Variants in TCF12 observed in about 807,000 individuals in gnomAD.
TCF12 encodes DNA-binding protein HTF4.
A neutral mutation model predicts 86.0 loss-of-function variants in TCF12; 45 were observed. That is an observed-to-expected ratio of 0.52 (90% confidence interval 0.41 to 0.67). TCF12 has a LOEUF of 0.67. Ranked by LOEUF, TCF12 falls within the 30% of genes least tolerant of loss-of-function variation. The probability of loss-of-function intolerance (pLI) is 0.00; values close to 1 mark genes in which losing one functional copy is unlikely to be tolerated. For synonymous variants in TCF12, 330 were observed against 299.6 expected (o/e 1.10, Z -1.05); for missense variants, 881 against 859.9 (o/e 1.02, Z -0.31).
chr15:57,117,929 G>GC (rs2050954360), intron 5 of TCF12, among the ~76,000 whole-genome samples: 1 of 136,292 alleles, frequency 7.3e-6, no homozygotes, highest in African/African-American at 3.6e-5. Flanking sequence ...AGAAATATAA[G>GC]GGGGGGGAAG....
chr15:57,100,423 C>CTTTTT (rs571976256), intron 5 of TCF12, among the ~76,000 whole-genome samples: 2 of 130,848 alleles, frequency 1.5e-5, no homozygotes, highest in African/African-American at 2.8e-5. Flanking sequence ...TTCACTTCCT[C>CTTTTT]TTTTTTTTTT....
chr15:57,233,302 A>G (rs1477216643), intron 11 of TCF12, among the ~76,000 whole-genome samples: 1 of 151,754 alleles, frequency 6.6e-6, no homozygotes, highest in Non-Finnish European at 1.5e-5. Flanking sequence ...CAGCCTCCCC[A>G]GTAGCTGGGA....
chr15:57,127,670 A>G (rs1388180342), intron 5 of TCF12, among the ~76,000 whole-genome samples: 3 of 152,218 alleles, frequency 2.0e-5, no homozygotes, highest in Non-Finnish European at 4.4e-5. Flanking sequence ...CTATTTACCT[A>G]ATAATTCAAA....
At chr15:56,923,641 T>C (rs1419954088) in intron 3 of TCF12, among the ~76,000 whole-genome samples, 1 of 152,150 alleles carries the variant, frequency 6.6e-6, no homozygotes, top group African/African-American at 2.4e-5. Flanking sequence ...ATTGACAAAA[T>C]GGAAATGGTT....
chr15:57,247,587 C>T (rs1258583425), intron 13 of TCF12: 26 of 844,322 alleles, frequency 3.1e-5, no homozygotes, highest in South Asian at 9.2e-5. Flanking sequence ...ATAACTTCTG[C>T]GGTTTCAATC....
chr15:57,260,506 A>G (rs2060539717), intron 16 of TCF12, among the ~76,000 whole-genome samples: 1 of 152,214 alleles, frequency 6.6e-6, no homozygotes, highest in Non-Finnish European at 1.5e-5. Flanking sequence ...ACTTGGTGTG[A>G]TAGTTCAAAA....
intron 3 of TCF12, among the ~76,000 whole-genome samples, chr15:56,974,093 T>C (rs895653987): frequency 3.3e-5 from 5 of 152,128 alleles, no homozygotes; most frequent in African/African-American, 1.2e-4. Context: ...ATTGGGACAA[T>C]TGGTAAAATC....
At chr15:57,192,003 A>G (rs1261220901) in intron 6 of TCF12, among the ~76,000 whole-genome samples, 155 bp from the exon 7 acceptor site, 8 of 152,162 alleles carry the variant, frequency 5.3e-5, no homozygotes, top group African/African-American at 1.9e-4. Context: ...GTATGGGCTG[A>G]AAGCAGTGGT....
chr15:57,247,716 A>G (rs1597612209), intron 13 of TCF12: 1 of 736,218 alleles, frequency 1.4e-6, no homozygotes, highest in Non-Finnish European at 2.5e-6. Flanking sequence ...TCCTCTATAG[A>G]AAGAGCTCTC....
At chr15:57,211,626 T>G (rs2058102778) in intron 8 of TCF12, among the ~76,000 whole-genome samples, 1 of 152,200 alleles carries the variant, frequency 6.6e-6, no homozygotes, top group Non-Finnish European at 1.5e-5. Flanking sequence ...GGGTTTAGAC[T>G]TTTAATTATG....
At chr15:57,179,853 A>C (rs865803506) in intron 6 of TCF12, among the ~76,000 whole-genome samples, 6 of 152,008 alleles carry the variant, frequency 3.9e-5, no homozygotes, top group African/African-American at 1.2e-4. Context: ...ACTTGGAACT[A>C]TTCAGGTTGC....
rs369153644 is a variant in TCF12, at chr15:57,176,956, T to C, written c.390+10490T>C. 4.6e-5 allele frequency among the ~76,000 whole-genome samples: 7 copies of C among 152,148 alleles called. No individual in the cohort carries two copies. The East Asian group carries it at 5.8e-4, about 13-fold the overall frequency. ...GGAGTAGATTGGTGATTTAGGGAAT[T>C]GTTGGAGTCACGAAGATTAAGAAGA... On this transcript the variant is annotated intron_variant, in intron 6 of 20. Transcript: ENST00000333725.
Position 57,063,813 on chromosome 15 carries a change from A to T in TCF12, c.212A>T (p.Asp71Val), listed in dbSNP as rs1386405269. ...GTSGQPSPSY[D>V]SSRGFTDSPH... ...AGTGGTCAACCAAGTCCTTCCTATG[A>T]TTCATCTAGAGTAAGTTTGCTGATC... The change falls in exon 4 of 21, where the codon GAT (aspartate) becomes GTT (valine). Residue 71 changes from aspartate (D) to valine (V), a missense_variant. Asp to Val is a radical substitution (Grantham distance 152). Coordinates refer to ENST00000333725, the MANE Select transcript of TCF12 (RefSeq NM_207037.2). The T allele has an allele frequency of 6.2e-7, 1 of 1,601,098 alleles. No individual in the cohort carries two copies. Among genetic ancestry groups the T allele is most frequent in the Admixed American group, 1.7e-5 (1 of 59,940 alleles).
Position 57,270,770 on chromosome 15 carries a change from T to A in TCF12, c.1746-2260T>A, listed in dbSNP as rs557095576. ...TTGGTGTGGATGTCCTTTTTGTTGA[T>A]GTTGATGCTATTCCTTTCTGTCTGT... On this transcript the variant is annotated intron_variant, in intron 18 of 20. Coordinates refer to ENST00000333725, the MANE Select transcript of TCF12 (RefSeq NM_207037.2). 1.9e-4 allele frequency among the ~76,000 whole-genome samples: 29 copies of A among 152,320 alleles called. 2 individuals are homozygous for A. In the South Asian group the frequency reaches 6.0e-3, roughly 32 times the overall value.
intron 7 of TCF12, among the ~76,000 whole-genome samples, chr15:57,194,729 A>G (rs1407644521): frequency 1.3e-5 from 2 of 152,190 alleles, no homozygotes; most frequent in African/African-American, 4.8e-5. Context: ...GCACTCCCCT[A>G]AGCGTCTTTC....
rs952759804 is a variant in TCF12, at chr15:56,975,644, T to C, written c.148+54546T>C. The stretch of plus-strand genomic sequence containing the variant: ...CTAAAAACTAGGGGTTTTTTTTGTT[T>C]GTTTGTTTTTTGTTTGTTTCCTGCT... On this transcript the variant is annotated intron_variant, in intron 3 of 20. Coordinates refer to ENST00000333725, the MANE Select transcript of TCF12 (RefSeq NM_207037.2). Among the ~76,000 whole-genome samples, 4 of 151,946 alleles carry C rather than the reference T, an allele frequency of 2.6e-5. No individual in the cohort carries two copies. The East Asian group carries it at 7.7e-4, about 29-fold the overall frequency.
intron 8 of TCF12, among the ~76,000 whole-genome samples, chr15:57,211,618 G>A (rs1468165507): frequency 1.3e-5 from 2 of 152,064 alleles, no homozygotes; most frequent in African/African-American, 2.4e-5. Flanking sequence ...TCCTGTGAGG[G>A]TTTAGACTTT....
intron 3 of TCF12, among the ~76,000 whole-genome samples, chr15:56,943,522 A>G (rs1489999252): frequency 6.6e-6 from 1 of 152,126 alleles, no homozygotes; most frequent in Non-Finnish European, 1.5e-5. Flanking sequence ...TATTTAACAT[A>G]CTCTTCATAA....
chr15:57,096,853 C>T (rs1433953494), intron 5 of TCF12, among the ~76,000 whole-genome samples: 2 of 152,142 alleles, frequency 1.3e-5, no homozygotes, highest in African/African-American at 2.4e-5. Flanking sequence ...GGTCTAATTG[C>T]TCAAGTATAT....
Sources: allele counts gnomAD v4.1 joint callset (sites outside exome capture counted in the v4.1 genomes callset), GRCh38; gene constraint gnomAD v4.1.1; transcripts MANE v1.5; gene names NCBI Gene and HGNC (gene_info 2026-07-23, HGNC 2026-07-21).